The following POU6F2 variants were observed in gnomAD, a reference collection of about 807,000 sequenced individuals.
POU6F2 encodes POU domain, class 6, transcription factor 2.
POU6F2 carries 31 observed loss-of-function variants against 71.3 expected under a neutral mutation model. The ratio of observed to expected loss-of-function variants is 0.43; its 90% confidence interval spans 0.33 to 0.59. The LOEUF is 0.59. Ranked by LOEUF, POU6F2 falls within the 20% of genes least tolerant of loss-of-function variation. The pLI is 0.04. For synonymous variants in POU6F2, 347 were observed against 355.7 expected, an observed-to-expected ratio of 0.98 and a Z score of 0.27; for missense variants, 783 against 856.8, an observed-to-expected ratio of 0.91 and a Z score of 1.07.
chr7:39,377,431 T>A (rs1449119806), intron 5 of POU6F2, among the ~76,000 whole-genome samples: 1 of 152,206 alleles, frequency 6.6e-6, no homozygotes, highest in African/African-American at 2.4e-5. Flanking sequence ...ATGCACGGCC[T>A]ATAATTATAT....
At chr7:39,379,713 C>G (rs776907211) in intron 5 of POU6F2, among the ~76,000 whole-genome samples, 46 of 152,116 alleles carry the variant, frequency 3.0e-4, no homozygotes, top group Admixed American at 2.0e-3. Context: ...AAACACAAAT[C>G]CAGGGCTGGT....
At chr7:39,210,897 A>G (rs988961921) in intron 4 of POU6F2, among the ~76,000 whole-genome samples, 12 of 152,184 alleles carry the variant, frequency 7.9e-5, no homozygotes, top group Non-Finnish European at 1.6e-4. Context: ...CTATAACATA[A>G]AAACCATAGG....
intron 2 of POU6F2, among the ~76,000 whole-genome samples, chr7:39,127,780 C>T (rs1177706147): frequency 6.6e-6 from 1 of 151,110 alleles, no homozygotes; most frequent in East Asian, 1.9e-4. Flanking sequence ...TTATATGATC[C>T]TGTAGGCCAT....
chr7:39,346,088 A>G (rs1263011245), intron 5 of POU6F2, among the ~76,000 whole-genome samples: 1 of 152,242 alleles, frequency 6.6e-6, no homozygotes, highest in Non-Finnish European at 1.5e-5. Flanking sequence ...TATGAAAGAA[A>G]GAAAATCTCC....
At chr7:39,170,595 A>G (rs1793198778) in intron 2 of POU6F2, among the ~76,000 whole-genome samples, 1 of 152,218 alleles carries the variant, frequency 6.6e-6, no homozygotes, top group Non-Finnish European at 1.5e-5. Flanking sequence ...AAGAAGCTGC[A>G]TAATCCTATA....
chr7:39,390,663 A>G (rs1457969177), intron 5 of POU6F2, among the ~76,000 whole-genome samples: 1 of 152,190 alleles, frequency 6.6e-6, no homozygotes, highest in Non-Finnish European at 1.5e-5. Flanking sequence ...TTCTTCCATT[A>G]GTGCATTCGT....
intron 1 of POU6F2, chr7:39,034,394 G>C (rs1339190042): frequency 3.1e-6 from 1 of 319,284 alleles, no homozygotes; most frequent in Non-Finnish European, 6.9e-6. Context: ...AGAGGGGGGA[G>C]GCAGATAGAG....
In POU6F2 at chr7:39,258,712, A is replaced by AG. The variant is rs1554336015; in HGVS notation, c.598+51092_598+51093insG. Among the ~76,000 whole-genome samples the AG allele has an allele frequency of 4.5e-3, 687 of 151,828 alleles. 10 individuals carry two copies. The highest frequency in any genetic ancestry group is 0.023 in the South Asian group (111 of 4,784). ...TTACTCTAGATGTTTAAAAAAAAAA[A>AG]AAGAAGAAGAAGAAGAAGGTGGTAG... is the stretch of plus-strand genomic sequence containing the variant. On this transcript the variant is annotated intron_variant, in intron 4 of 9. Coordinates refer to ENST00000518318, the MANE Select transcript of POU6F2 (RefSeq NM_001370959.1).
Position 39,433,302 on chromosome 7 carries a change from G to C in POU6F2, c.1320+19G>C, listed in dbSNP as rs371004946. The C allele has an allele frequency of 6.2e-7, 1 of 1,613,464 alleles. No individual in the cohort carries two copies. Among genetic ancestry groups the C allele is most frequent in the African/African-American group, 1.3e-5 (1 of 74,898 alleles). On this transcript the variant is annotated intron_variant, in intron 7 of 9. Coordinates refer to ENST00000518318, the MANE Select transcript of POU6F2 (RefSeq NM_001370959.1). ...CCAGCAGGTAAATGTTCCAGGCCAA[G>C]GCAGCCATGGCACAGGACACTGTCC...
At chr7:39,360,203 G>A (rs1786349150) in intron 5 of POU6F2, among the ~76,000 whole-genome samples, 1 of 152,198 alleles carries the variant, frequency 6.6e-6, no homozygotes, top group Non-Finnish European at 1.5e-5. Flanking sequence ...TAAGGTACAT[G>A]TGAAATATTA....
At chr7:39,449,956 G>A (rs1788617885) in intron 7 of POU6F2, among the ~76,000 whole-genome samples, 1 of 152,152 alleles carries the variant, frequency 6.6e-6, no homozygotes, top group Non-Finnish European at 1.5e-5. Flanking sequence ...GGAAGTTGAG[G>A]GGAAATTGAT....
chr7:39,085,759 G>A lies in POU6F2; in HGVS notation c.106-101G>A, dbSNP rs1791226606. ...AGAGGAGAGAGGGAGAGTGTGTGTGGAAGAGAGAGAGAGAAGAGAGAGGGA... is the reference window on the plus strand; with the variant it reads ...AGAGGAGAGAGGGAGAGTGTGTGTGAAAGAGAGAGAGAGAAGAGAGAGGGA... On this transcript the variant is annotated intron_variant, in intron 1 of 9. Coordinates refer to ENST00000518318, the MANE Select transcript of POU6F2 (RefSeq NM_001370959.1). 6.9e-6 allele frequency: 8 copies of A among 1,159,352 alleles called. No homozygotes were observed. In the South Asian group the frequency reaches 8.3e-5, roughly 12 times the overall value. The allele number at this position is 1,159,352 out of a possible 1,614,324, so 71.8% of individuals were successfully genotyped here. A position where few individuals can be genotyped will look rare whatever the true frequency, so the allele number is the denominator to read the frequency against.
At chr7:39,123,475 T>A (rs1462821284) in intron 2 of POU6F2, among the ~76,000 whole-genome samples, 1 of 152,250 alleles carries the variant, frequency 6.6e-6, no homozygotes, top group Non-Finnish European at 1.5e-5. Flanking sequence ...TTCTTTGGTT[T>A]GTGCCTGAAT....
intron 4 of POU6F2, among the ~76,000 whole-genome samples, chr7:39,246,956 A>C (rs1783832793): frequency 8.4e-6 from 1 of 119,116 alleles, no homozygotes; most frequent in African/African-American, 3.5e-5. Flanking sequence ...TTGTTGCCCA[A>C]GCTTGAGTGC....
intron 4 of POU6F2, among the ~76,000 whole-genome samples, chr7:39,249,667 T>C (rs1214141238): frequency 6.6e-6 from 1 of 152,206 alleles, no homozygotes; most frequent in Non-Finnish European, 1.5e-5. Flanking sequence ...AATAGTGTAA[T>C]TGCCTTAAAC....
At chr7:39,307,312 C>A (rs1228816430) in intron 4 of POU6F2, among the ~76,000 whole-genome samples, 1 of 151,704 alleles carries the variant, frequency 6.6e-6, no homozygotes, top group Admixed American at 6.6e-5. Flanking sequence ...ATTAAGAATA[C>A]AAAATTATGT....
At chr7:39,359,962 A>G (rs1256832818) in intron 5 of POU6F2, among the ~76,000 whole-genome samples, 2 of 152,328 alleles carry the variant, frequency 1.3e-5, no homozygotes, top group East Asian at 1.9e-4. Flanking sequence ...CAATATTGTA[A>G]TGTAAATGCC....
intron 4 of POU6F2, among the ~76,000 whole-genome samples, chr7:39,330,389 G>A (rs894971320): frequency 5.9e-5 from 9 of 152,084 alleles, no homozygotes; most frequent in African/African-American, 1.7e-4. Context: ...GTAGTACCCC[G>A]GTCCTCCCTT....
chr7:39,439,401 G>A (rs758805511), intron 7 of POU6F2, among the ~76,000 whole-genome samples: 8 of 152,090 alleles, frequency 5.3e-5, no homozygotes, highest in Non-Finnish European at 1.2e-4. Flanking sequence ...TTCTGTCATC[G>A]TGCTGCTATT....
Sources: gnomAD v4.1 joint callset for allele counts (sites outside exome capture counted in the v4.1 genomes callset) on GRCh38, gnomAD v4.1.1 for gene constraint, MANE v1.5 for transcripts, NCBI Gene and HGNC (gene_info 2026-07-23, HGNC 2026-07-21) for gene names.